FAM13A: variants seen among roughly 807,000 people sequenced by gnomAD.
The protein encoded by FAM13A is protein FAM13A.
In FAM13A, 76 loss-of-function variants were observed where a neutral mutation model predicts 129.6. That is an observed-to-expected ratio of 0.59 (90% CI 0.49 to 0.71). The LOEUF is 0.71. Among genes scored for constraint, FAM13A ranks in the 30% least tolerant of loss-of-function variants. The pLI, the probability that FAM13A is intolerant of heterozygous loss-of-function variation, is 0.00. For missense variants in FAM13A, 1,108 were observed against 1,249.3 expected (o/e 0.89, Z 1.70); for synonymous variants, 443 against 449.9 (o/e 0.98, Z 0.20).
chr4:88,917,964 C>T (rs757935517), intron 5 of FAM13A, among the ~76,000 whole-genome samples: 1 of 152,116 alleles, frequency 6.6e-6, no homozygotes, highest in African/African-American at 2.4e-5. Context: ...TAGCTAAAGC[C>T]GACTCTCCCA....
chr4:88,790,539 TA>T (rs112676553), intron 9 of FAM13A, 46 bp downstream of exon 9: 72,158 of 1,114,140 alleles, frequency 0.065, 3 homozygotes, highest in South Asian at 0.087. Flanking sequence ...GACAGGGCAT[TA>T]AAAAAAAAAA....
At chr4:88,860,445 A>C (rs549354595) in intron 6 of FAM13A, among the ~76,000 whole-genome samples, 86 of 152,354 alleles carry the variant, frequency 5.6e-4, no homozygotes, top group African/African-American at 1.7e-3. Context: ...AATAGTAAGT[A>C]CCACAATTAT....
chr4:89,024,395 T>C (rs1767665636), intron 2 of FAM13A, among the ~76,000 whole-genome samples: 1 of 152,218 alleles, frequency 6.6e-6, no homozygotes, highest in Non-Finnish European at 1.5e-5. Flanking sequence ...TTATAAGTTA[T>C]AATGTATATA....
chr4:88,857,273 T>C (rs1045901806), intron 6 of FAM13A, among the ~76,000 whole-genome samples: 2 of 152,176 alleles, frequency 1.3e-5, no homozygotes, highest in African/African-American at 4.8e-5. Flanking sequence ...CATAACTCAA[T>C]TTAACTTTGT....
chr4:88,750,753 G>C, intron 14 of FAM13A, 116 bp from the exon 15 acceptor site: 2 of 730,246 alleles, frequency 2.7e-6, no homozygotes, highest in Admixed American at 2.6e-5. Context: ...CCATTGAATC[G>C]TTTCTCATTT....
At chr4:88,996,964 T>C (rs1763632090) in intron 3 of FAM13A, among the ~76,000 whole-genome samples, 1 of 152,126 alleles carries the variant, frequency 6.6e-6, no homozygotes, top group Non-Finnish European at 1.5e-5. Flanking sequence ...TAAAGAAATG[T>C]GGAATAATTT....
intron 3 of FAM13A, among the ~76,000 whole-genome samples, chr4:89,005,320 T>C (rs930751229): frequency 1.3e-5 from 2 of 152,228 alleles, no homozygotes; most frequent in Non-Finnish European, 2.9e-5. Flanking sequence ...CTGTCATTGA[T>C]GGCATTTAGG....
chr4:88,942,398 C>T (rs142224185), intron 4 of FAM13A, among the ~76,000 whole-genome samples: 2,680 of 151,922 alleles, frequency 0.018, 83 homozygotes, highest in African/African-American at 0.06. Context: ...GAAACCCCGT[C>T]TCTACTAAAA....
rs577435769 is a variant in FAM13A, at chr4:88,889,044, AT to A, written c.843+17334del. Among the ~76,000 whole-genome samples the A allele has an allele frequency of 3.6e-3, 553 of 152,310 alleles. 4 individuals are homozygous for A. The highest frequency in any genetic ancestry group is 0.012 in the African/African-American group (518 of 41,566). On this transcript the variant is annotated intron_variant, in intron 6 of 23. Coordinates refer to ENST00000264344, the MANE Select transcript of FAM13A (RefSeq NM_014883.4). ...CCCTATACCCACTCCCAGGGGAATA[AT>A]GACAAGGAGGGGAATCGCAGGGGTG...
chr4:88,889,261 G>A (rs1744960362), intron 6 of FAM13A, among the ~76,000 whole-genome samples: 1 of 152,166 alleles, frequency 6.6e-6, no homozygotes, highest in Non-Finnish European at 1.5e-5. Context: ...TGTTGAGTGT[G>A]GTTATGCTGT....
intron 7 of FAM13A, among the ~76,000 whole-genome samples, chr4:88,828,009 G>T (rs963263037): frequency 1.8e-4 from 28 of 152,264 alleles, no homozygotes; most frequent in African/African-American, 6.7e-4. Flanking sequence ...TTTCAAATCT[G>T]CCCTGAACTT....
At chr4:89,031,941 C>G (rs962237785) in intron 1 of FAM13A, among the ~76,000 whole-genome samples, 37 of 152,066 alleles carry the variant, frequency 2.4e-4, no homozygotes, top group African/African-American at 8.7e-4. Context: ...GAATTAGGGC[C>G]AGGCACGGTG....
At chr4:88,862,226 T>C (rs536030817) in intron 6 of FAM13A, among the ~76,000 whole-genome samples, 7 of 152,308 alleles carry the variant, frequency 4.6e-5, no homozygotes, top group African/African-American at 1.7e-4. Context: ...GTAATGACTG[T>C]ATAATGTATT....
At chr4:88,874,946 T>C (rs537179553) in intron 6 of FAM13A, among the ~76,000 whole-genome samples, 2 of 152,178 alleles carry the variant, frequency 1.3e-5, no homozygotes, top group East Asian at 1.9e-4. Flanking sequence ...AACAGAGATA[T>C]AGATCAATGG....
At chr4:88,945,986 GTGTGTATATATATATATA>G (rs1366489475) in intron 4 of FAM13A, among the ~76,000 whole-genome samples, 5 of 21,846 alleles carry the variant, frequency 2.3e-4, no homozygotes, top group African/African-American at 1.4e-3. Flanking sequence ...GTGTGTGTGT[GTGTGTATATATATATATA>G]TATATATATA....
chr4:89,045,223 G>GGGAAAA (rs992585749), intron 1 of FAM13A, among the ~76,000 whole-genome samples: 3 of 144,762 alleles, frequency 2.1e-5, no homozygotes, highest in Admixed American at 2.1e-4. Context: ...TCAGGAAATG[G>GGGAAAA]GGAAAAGGAA....
intron 18 of FAM13A, 48 bp from the exon 19 acceptor site, chr4:88,747,063 G>A (rs1468712096): frequency 2.4e-6 from 3 of 1,257,228 alleles, no homozygotes; most frequent in African/African-American, 3.0e-5. Flanking sequence ...AAATGTGTGT[G>A]AACATTCCAA....
chr4:88,995,890 T>G (rs1300240380), intron 3 of FAM13A, among the ~76,000 whole-genome samples: 1 of 152,086 alleles, frequency 6.6e-6, no homozygotes, highest in Non-Finnish European at 1.5e-5. Context: ...AAAATATATG[T>G]GAAGTGGTAA....
At chr4:89,013,090 C>T (rs907308975) in intron 3 of FAM13A, among the ~76,000 whole-genome samples, 1 of 151,918 alleles carries the variant, frequency 6.6e-6, no homozygotes, top group Non-Finnish European at 1.5e-5. Flanking sequence ...AAAAGCAAAA[C>T]CCATTCAACT....
Sources: gnomAD v4.1 joint callset for allele counts (sites outside exome capture counted in the v4.1 genomes callset) on GRCh38, gnomAD v4.1.1 for gene constraint, MANE v1.5 for transcripts, NCBI Gene and HGNC (gene_info 2026-07-23, HGNC 2026-07-21) for gene names.